Variants in TARBP1 observed in about 807,000 individuals in gnomAD.
TARBP1 encodes tRNA guanosine 2 -O-methyltransferase TARBP1.
TARBP1 carries 144 observed loss-of-function variants against 178.6 expected under a neutral mutation model. The ratio of observed to expected loss-of-function variants is 0.81; its 90% CI spans 0.70 to 0.93. The LOEUF (loss-of-function observed/expected upper bound fraction) is 0.93. Ranked by LOEUF, TARBP1 falls within the 40% of genes least tolerant of loss-of-function variation. The probability of loss-of-function intolerance (pLI) is 0.00; values close to 1 mark genes in which losing one functional copy is unlikely to be tolerated. For synonymous variants in TARBP1, 787 were observed against 781.0 expected (o/e 1.01, Z -0.13); for missense variants, 2,067 against 2,011.7 (o/e 1.03, Z -0.53).
At chr1:234,472,986 T>G (rs1669217116) in intron 1 of TARBP1, among the ~76,000 whole-genome samples, 175 bp from the exon 2 acceptor site, 1 of 151,372 alleles carries the variant, frequency 6.6e-6, no homozygotes, top group Non-Finnish European at 1.5e-5. Context: ...GAGATTTTTT[T>G]TTGCACTAAG....
chr1:234,467,649 T>G lies in TARBP1; in HGVS notation c.1101A>C (p.Gly367=). Residue 367 remains glycine (G), a splice_region_variant and synonymous_variant, in exon 4 of 30, where the codon GGA becomes GGC. Transcript: ENST00000040877. ...LFEYAVSEEN[G]CWLFHPSWHM... is the part of the protein sequence containing the mutation. The stretch of plus-strand genomic sequence containing the variant: ...GCCAGGATGGGTGAAAGAGCCAACA[T>G]CCTGTGGAAACAAACATCAAATGTT... The G allele has an allele frequency of 6.4e-7, 1 of 1,574,054 alleles. No individual in the cohort carries two copies. Among genetic ancestry groups the G allele is most frequent in the Non-Finnish European group, 8.6e-7 (1 of 1,166,188 alleles).
At chr1:234,453,592 G>T (rs1667005400) in intron 9 of TARBP1, among the ~76,000 whole-genome samples, 1 of 151,992 alleles carries the variant, frequency 6.6e-6, no homozygotes, top group Non-Finnish European at 1.5e-5. Flanking sequence ...ACATGAAAAT[G>T]CCATTTCTAT....
At chr1:234,472,237 G>C (rs1478926317) in intron 2 of TARBP1, among the ~76,000 whole-genome samples, 1 of 145,484 alleles carries the variant, frequency 6.9e-6, no homozygotes, top group South Asian at 2.2e-4. Context: ...GCTGAGGCAG[G>C]AGAATCACTT....
intron 5 of TARBP1, among the ~76,000 whole-genome samples, chr1:234,464,269 T>A (rs74147472): frequency 6.6e-6 from 1 of 152,208 alleles, no homozygotes; most frequent in Admixed American, 6.5e-5. Flanking sequence ...TTATATTTTA[T>A]TGTTCCCAAC....
At chr1:234,438,641 G>C (rs270497) in intron 12 of TARBP1, among the ~76,000 whole-genome samples, 8,438 of 152,210 alleles carry the variant, frequency 0.055, 265 homozygotes, top group African/African-American at 0.063. Flanking sequence ...AGACATCTGT[G>C]GGATAATAAC....
chr1:234,471,597 C>T (rs1401318451), intron 2 of TARBP1, among the ~76,000 whole-genome samples: 1 of 152,198 alleles, frequency 6.6e-6, no homozygotes, highest in Non-Finnish European at 1.5e-5. Context: ...GAAATGTTTT[C>T]TCTAGTCACT....
chr1:234,427,509 C>A, intron 18 of TARBP1, 67 bp downstream of exon 18: 1 of 1,484,404 alleles, frequency 6.7e-7, no homozygotes, highest in Middle Eastern at 1.8e-4. Context: ...AAAACAAAGA[C>A]ATAATTCTAT....
chr1:234,427,803 T>C, intron 17 of TARBP1, 37 bp from the exon 18 acceptor site: 1 of 1,380,966 alleles, frequency 7.2e-7, no homozygotes, highest in Non-Finnish European at 9.5e-7. Flanking sequence ...ATCCTTGATT[T>C]AGTTTTTAAA....
rs1199367357 is a variant in TARBP1, at chr1:234,478,920, G to A, written c.184C>T (p.Arg62Cys). ...ACGAGGTACCCTGCAGCCACCTCGC[G>A]CGCCGCCTCCGGGAGCGCGCCTGCG... ...GGAGALPEAA[R>C]EVAAGYLVPL... Residue 62 changes from arginine to cysteine, a missense_variant, in exon 1 of 30, where the codon CGC becomes TGC. Transcript: ENST00000040877. 9.8e-6 allele frequency: 14 copies of A among 1,427,946 alleles called. No homozygotes were observed. The highest frequency in any genetic ancestry group is 1.5e-5 in the African/African-American group (1 of 66,376). The allele number at this position is 1,427,946 out of a possible 1,614,324, so 88.5% of individuals were successfully genotyped here.
rs202151151 is a variant in TARBP1 at position 234,465,641 on chromosome 1, A to G, written c.1301+15T>C. 3.3e-5 allele frequency: 52 copies of G among 1,560,446 alleles called. No homozygotes were observed. Among genetic ancestry groups the G allele is most frequent in the Non-Finnish European group, 4.0e-5 (47 of 1,161,790 alleles). ...ATGTATGTATCAAATACTTCATAAC[A>G]TAATGTCTCTTTACCTGCTATACAG... On this transcript the variant is annotated intron_variant, in intron 5 of 29. Coordinates refer to ENST00000040877, the MANE Select transcript of TARBP1 (RefSeq NM_005646.4).
chr1:234,465,738 A>AT, intron 4 of TARBP1, 30 bp from the exon 5 acceptor site: 1 of 1,526,544 alleles, frequency 6.6e-7, no homozygotes. Context: ...AAGACACGTA[A>AT]TTGAAACTTA....
chr1:234,412,888 C>G (rs1010290487), intron 22 of TARBP1, among the ~76,000 whole-genome samples: 3 of 152,084 alleles, frequency 2.0e-5, no homozygotes, highest in Non-Finnish European at 4.4e-5. Context: ...CCCTTCCACC[C>G]CAGCAGGGAT....
rs1357579423 is a variant in TARBP1 at position 234,440,033 on chromosome 1, T to C, written c.2135-2661A>G. Among the ~76,000 whole-genome samples the C allele has an allele frequency of 3.3e-5, 5 of 152,226 alleles. No homozygotes were observed. The South Asian group carries it at 6.2e-4, about 19-fold the overall frequency. ...AACAATTTTAAAAACTGAAATCATA[T>C]GATATATGCTCTGCGACCACAATGT... On this transcript the variant is annotated intron_variant, in intron 12 of 29. Coordinates refer to ENST00000040877, the MANE Select transcript of TARBP1 (RefSeq NM_005646.4).
chr1:234,407,876 G>C (rs1421125038), intron 23 of TARBP1: 1 of 152,124 alleles, frequency 6.6e-6, no homozygotes, highest in Non-Finnish European at 1.5e-5. Flanking sequence ...CCTAGTTTTA[G>C]AATCAGCTAT....
chr1:234,474,724 CTCAG>C (rs1669423014), intron 1 of TARBP1, among the ~76,000 whole-genome samples: 3 of 152,170 alleles, frequency 2.0e-5, no homozygotes, highest in African/African-American at 7.2e-5. Flanking sequence ...GAATTCTACC[CTCAG>C]TCAAACCATC....
At chr1:234,475,887 A>G (rs533441404) in intron 1 of TARBP1, among the ~76,000 whole-genome samples, 3 of 152,330 alleles carry the variant, frequency 2.0e-5, no homozygotes, top group African/African-American at 7.2e-5. Flanking sequence ...AAGTTTGTAA[A>G]GTGCACTGAA....
intron 28 of TARBP1, 112 bp from the exon 29 acceptor site, chr1:234,392,664 A>G: frequency 2.1e-6 from 2 of 941,664 alleles, no homozygotes; most frequent in South Asian, 3.4e-5. Context: ...AAGAAAAAGG[A>G]GAGAATTATA....
chr1:234,476,280 C>T (rs1472066417), intron 1 of TARBP1, among the ~76,000 whole-genome samples: 1 of 152,080 alleles, frequency 6.6e-6, no homozygotes, highest in Non-Finnish European at 1.5e-5. Flanking sequence ...ACAAACAAGA[C>T]CTTAAAAAAA....
intron 6 of TARBP1, among the ~76,000 whole-genome samples, chr1:234,463,081 G>A (rs1368036486): frequency 6.6e-6 from 1 of 152,000 alleles, no homozygotes; most frequent in Non-Finnish European, 1.5e-5. Flanking sequence ...CCTGAAGATG[G>A]GGGATGGTTC....
Sources: gnomAD v4.1 joint callset for allele counts (sites outside exome capture counted in the v4.1 genomes callset) on GRCh38, gnomAD v4.1.1 for gene constraint, MANE v1.5 for transcripts, NCBI Gene and HGNC (gene_info 2026-07-23, HGNC 2026-07-21) for gene names.